LRRTM4: variants seen among roughly 807,000 people sequenced by gnomAD.
LRRTM4 encodes leucine rich repeat transmembrane neuronal 4, also known as leucine-rich repeat transmembrane neuronal protein 4.
LRRTM4 carries 25 observed loss-of-function variants against 47.6 expected under a neutral mutation model. The observed-to-expected ratio is 0.53, with a 90% CI of 0.38 to 0.73. The LOEUF is 0.73. LRRTM4 is among the 30% of genes least tolerant of loss of function. The pLI, the probability that LRRTM4 is intolerant of heterozygous loss-of-function variation, is 0.00. For synonymous variants in LRRTM4, 311 were observed against 269.5 expected (o/e 1.15, Z -1.51); for missense variants, 638 against 713.4 (o/e 0.89, Z 1.20).
intron 3 of LRRTM4, among the ~76,000 whole-genome samples, chr2:76,996,897 C>G (rs985827837): frequency 1.3e-5 from 2 of 152,114 alleles, no homozygotes; most frequent in African/African-American, 4.8e-5. Context: ...AGATGCTTGG[C>G]TGGAACTTGT....
At chr2:77,312,353 T>C (rs1157441337) in intron 3 of LRRTM4, among the ~76,000 whole-genome samples, 1 of 152,314 alleles carries the variant, frequency 6.6e-6, no homozygotes, top group East Asian at 1.9e-4. Context: ...TTGAATCCTA[T>C]TTAGTTGTAT....
At chr2:77,495,648 T>C (rs550143508) in intron 3 of LRRTM4, among the ~76,000 whole-genome samples, 8 of 152,132 alleles carry the variant, frequency 5.3e-5, no homozygotes, top group African/African-American at 1.9e-4. Context: ...CTAAGCTTTC[T>C]CCCCTGAACT....
At chr2:77,336,034 A>G (rs570542873) in intron 3 of LRRTM4, among the ~76,000 whole-genome samples, 1 of 152,150 alleles carries the variant, frequency 6.6e-6, no homozygotes, top group Non-Finnish European at 1.5e-5. Context: ...AGGTCAGAGT[A>G]GTTGCAAACT....
At chr2:77,321,298 T>C (rs946319833) in intron 3 of LRRTM4, among the ~76,000 whole-genome samples, 4 of 152,122 alleles carry the variant, frequency 2.6e-5, no homozygotes, top group African/African-American at 9.7e-5. Flanking sequence ...TAGAATGCTT[T>C]AGTCTATGTG....
chr2:77,365,581 A>C (rs888677828), intron 3 of LRRTM4, among the ~76,000 whole-genome samples: 4 of 151,902 alleles, frequency 2.6e-5, no homozygotes, highest in African/African-American at 9.7e-5. Flanking sequence ...TTACTTTATC[A>C]ATATATAAAT....
At chr2:77,176,167 A>T in intron 3 of LRRTM4, among the ~76,000 whole-genome samples, 1 of 152,218 alleles carries the variant, frequency 6.6e-6, no homozygotes, top group East Asian at 1.9e-4. Context: ...TGATGAGATT[A>T]AAGCAGCCTT....
At chr2:77,445,001 G>T (rs143569537) in intron 3 of LRRTM4, among the ~76,000 whole-genome samples, 1 of 139,334 alleles carries the variant, frequency 7.2e-6, no homozygotes, top group African/African-American at 2.7e-5. Flanking sequence ...CACTAAATTA[G>T]AAAGCATAAA....
intron 3 of LRRTM4, among the ~76,000 whole-genome samples, chr2:77,412,685 A>C (rs1192463882): frequency 6.6e-6 from 1 of 152,180 alleles, no homozygotes; most frequent in Non-Finnish European, 1.5e-5. Context: ...TACAAAACTA[A>C]TCAGAAATTA....
chr2:77,180,806 A>G (rs1220703607), intron 3 of LRRTM4, among the ~76,000 whole-genome samples: 1 of 152,132 alleles, frequency 6.6e-6, no homozygotes, highest in Non-Finnish European at 1.5e-5. Context: ...GAAAGGAGAA[A>G]TCGTGAATCT....
At chr2:77,341,139 C>G (rs781631945) in intron 3 of LRRTM4, among the ~76,000 whole-genome samples, 1 of 151,932 alleles carries the variant, frequency 6.6e-6, no homozygotes, top group African/African-American at 2.4e-5. Context: ...ACTCACTCTG[C>G]TACCCAGAGA....
intron 3 of LRRTM4, among the ~76,000 whole-genome samples, chr2:77,465,971 AC>A (rs1676967829): frequency 6.6e-6 from 1 of 150,586 alleles, no homozygotes; most frequent in Non-Finnish European, 1.5e-5. Context: ...TTTCCTTTGC[AC>A]TTCTGTTTTG....
chr2:77,284,431 T>C (rs1217727634), intron 3 of LRRTM4, among the ~76,000 whole-genome samples: 1 of 152,112 alleles, frequency 6.6e-6, no homozygotes, highest in African/African-American at 2.4e-5. Flanking sequence ...TTTTGTCTTT[T>C]CATTAAATAT....
At chr2:77,195,827 G>A (rs911845648) in intron 3 of LRRTM4, among the ~76,000 whole-genome samples, 6 of 152,044 alleles carry the variant, frequency 3.9e-5, no homozygotes, top group African/African-American at 7.2e-5. Flanking sequence ...AGGATAGGGG[G>A]TGCTATTAAT....
At chr2:77,169,176 C>T (rs1419027425) in intron 3 of LRRTM4, among the ~76,000 whole-genome samples, 1 of 152,014 alleles carries the variant, frequency 6.6e-6, no homozygotes, top group Non-Finnish European at 1.5e-5. Flanking sequence ...AACAAGGATG[C>T]CTACTTTCAC....
At chr2:77,053,689 A>G (rs1213148448) in intron 3 of LRRTM4, among the ~76,000 whole-genome samples, 1 of 152,174 alleles carries the variant, frequency 6.6e-6, no homozygotes, top group Non-Finnish European at 1.5e-5. Flanking sequence ...AATAGAATTA[A>G]TGAGTCTCTT....
intron 3 of LRRTM4, among the ~76,000 whole-genome samples, chr2:77,088,993 G>A (rs544547570): frequency 5.9e-5 from 9 of 152,102 alleles, no homozygotes; most frequent in African/African-American, 1.2e-4. Context: ...CCAAAACTCC[G>A]GCGCCGGTCA....
intron 3 of LRRTM4, among the ~76,000 whole-genome samples, chr2:77,129,443 C>T (rs895929351): frequency 1.3e-5 from 2 of 152,140 alleles, no homozygotes; most frequent in Admixed American, 6.5e-5. Flanking sequence ...GTATGTCTTG[C>T]TGTATGATCT....
At chr2:77,231,200 TACACATGCACACACAC>T (rs1368194343) in intron 3 of LRRTM4, among the ~76,000 whole-genome samples, 3 of 151,796 alleles carry the variant, frequency 2.0e-5, no homozygotes, top group Non-Finnish European at 2.9e-5. Context: ...GCCCATGAAG[TACACATGCACACACAC>T]ACACATGCAC....
chr2:76,758,169 T>C (rs1284485097), intron 3 of LRRTM4, among the ~76,000 whole-genome samples: 1 of 152,300 alleles, frequency 6.6e-6, no homozygotes, highest in East Asian at 1.9e-4. Flanking sequence ...ACTGATTTGC[T>C]TGCCTTTTGC....
Sources: gnomAD v4.1 joint callset for allele counts (sites outside exome capture counted in the v4.1 genomes callset) on GRCh38, gnomAD v4.1.1 for gene constraint, MANE v1.5 for transcripts, NCBI Gene and HGNC (gene_info 2026-07-23, HGNC 2026-07-21) for gene names.